The following SNTG1 variants were observed in gnomAD, a reference collection of about 807,000 sequenced individuals.
The protein encoded by SNTG1 is gamma-1-syntrophin.
Under a neutral mutation model 74.7 loss-of-function variants are expected in SNTG1, and 39 were observed. The ratio of observed to expected loss-of-function variants is 0.52; its 90% CI spans 0.40 to 0.68. The LOEUF (loss-of-function observed/expected upper bound fraction) is 0.68. Among genes scored for constraint, SNTG1 ranks in the 30% least tolerant of loss-of-function variants. The pLI, the probability that SNTG1 is intolerant of heterozygous loss-of-function variation, is 0.00. For missense variants in SNTG1, 685 were observed against 609.5 expected, an observed-to-expected ratio of 1.12 and a Z score of -1.30; for synonymous variants, 254 against 217.1, an observed-to-expected ratio of 1.17 and a Z score of -1.49.
In SNTG1 at chr8:50,484,198, TTCCTTCCTTC is replaced by T. The variant is rs1478927126; in HGVS notation, c.364-18579_364-18570del. Among the ~76,000 whole-genome samples the T allele has an allele frequency of 3.6e-3, 478 of 133,768 alleles. 7 individuals are homozygous for T. Among genetic ancestry groups the T allele is most frequent in the African/African-American group, 6.6e-3 (241 of 36,336 alleles). 87.8% of individuals were successfully genotyped at this position (133,768 alleles called of 152,430 possible). On this transcript the variant is annotated intron_variant, in intron 8 of 18. Coordinates refer to ENST00000642720, the MANE Select transcript of SNTG1 (RefSeq NM_018967.5). ...CTTCCTTCCTTCCTTCCTTCCTTCC[TTCCTTCCTTC>T]CTTCCTTCTTTCTTTCTTTTTTTTT...
chr8:50,421,036 A>G (rs1360809426), intron 4 of SNTG1, among the ~76,000 whole-genome samples: 5 of 8,932 alleles, frequency 5.6e-4, no homozygotes, highest in Admixed American at 1.8e-3. Flanking sequence ...AAAAAAAAAA[A>G]GGCGGTGGGC....
rs16915131 is a variant in SNTG1, at chr8:50,638,809, A to G, written c.850-18100A>G. Among the ~76,000 whole-genome samples the G allele has an allele frequency of 9.2e-3, 1,393 of 152,166 alleles. 16 individuals carry two copies. The highest frequency in any genetic ancestry group is 0.014 in the Non-Finnish European group (932 of 67,936). On this transcript the variant is annotated intron_variant, in intron 13 of 18. Coordinates refer to ENST00000642720, the MANE Select transcript of SNTG1 (RefSeq NM_018967.5). ...TGAGGATTTCTCCAAAAATCAAATC[A>G]TGGAGTTTAGCATAGAGTATAACAG...
At chr8:50,447,707 A>G (rs2093419607) in intron 5 of SNTG1, among the ~76,000 whole-genome samples, 1 of 152,214 alleles carries the variant, frequency 6.6e-6, no homozygotes, top group Non-Finnish European at 1.5e-5. Flanking sequence ...CACCCTGAAG[A>G]AATGTGCATT....
chr8:50,504,205 A>G (rs1348384151), intron 9 of SNTG1, among the ~76,000 whole-genome samples: 2 of 152,168 alleles, frequency 1.3e-5, no homozygotes, highest in Non-Finnish European at 2.9e-5. Flanking sequence ...ATAGTATTCC[A>G]TGGTGTATAT....
chr8:50,289,040 G>A (rs1195713525), intron 2 of SNTG1, among the ~76,000 whole-genome samples: 2 of 152,206 alleles, frequency 1.3e-5, no homozygotes, highest in East Asian at 3.9e-4. Flanking sequence ...ATTTGATTCT[G>A]TTGCAACATG....
At chr8:50,371,228 G>A (rs546400174) in intron 2 of SNTG1, among the ~76,000 whole-genome samples, 29 of 152,262 alleles carry the variant, frequency 1.9e-4, no homozygotes, top group East Asian at 3.9e-4. Context: ...ATTATGTGGC[G>A]TGAGCTGCCC....
intron 13 of SNTG1, among the ~76,000 whole-genome samples, chr8:50,628,835 T>G (rs994598036): frequency 4.6e-5 from 7 of 152,210 alleles, no homozygotes; most frequent in African/African-American, 1.7e-4. Context: ...TTGTTGTGTT[T>G]TCACAAATTC....
intron 1 of SNTG1, among the ~76,000 whole-genome samples, chr8:50,097,585 G>C (rs2079975151): frequency 6.6e-6 from 1 of 151,852 alleles, no homozygotes; most frequent in Non-Finnish European, 1.5e-5. Context: ...CCGGAAGGCG[G>C]AGCTTGCAGT....
In SNTG1 at chr8:50,005,955, C is replaced by CTTTTT. The variant is rs57041850; in HGVS notation, c.-103+93748_-103+93752dup. Among the ~76,000 whole-genome samples the CTTTTT allele has an allele frequency of 4.5e-5, 4 of 89,400 alleles. 1 individual carries two copies. Among genetic ancestry groups the CTTTTT allele is most frequent in the African/African-American group, 1.4e-4 (2 of 13,818 alleles). 58.6% of individuals were successfully genotyped at this position (89,400 alleles called of 152,430 possible). ...TTACTTTTCATTTCCATTACTTGCA[C>CTTTTT]TTTTTTTTTTTTTTTTTTTTTTTTT... On this transcript the variant is annotated intron_variant, in intron 1 of 18. Coordinates refer to ENST00000642720, the MANE Select transcript of SNTG1 (RefSeq NM_018967.5).
chr8:50,077,513 A>G (rs1821999573), intron 1 of SNTG1, among the ~76,000 whole-genome samples: 1 of 152,204 alleles, frequency 6.6e-6, no homozygotes, highest in African/African-American at 2.4e-5. Flanking sequence ...ATTATTTAAT[A>G]GAACATTCTG....
chr8:50,250,622 G>A (rs978479412), intron 2 of SNTG1, among the ~76,000 whole-genome samples: 13 of 152,060 alleles, frequency 8.5e-5, no homozygotes, highest in African/African-American at 2.9e-4. Flanking sequence ...ATATCTCTCA[G>A]CAGAATCTCT....
At chr8:50,782,403 T>C (rs1371404060) in intron 18 of SNTG1, among the ~76,000 whole-genome samples, 1 of 152,192 alleles carries the variant, frequency 6.6e-6, no homozygotes, top group Non-Finnish European at 1.5e-5. Context: ...TTTGTTAGTT[T>C]CTTTTTATTC....
chr8:49,913,625 G>A (rs1435509924), intron 1 of SNTG1, among the ~76,000 whole-genome samples: 1 of 152,190 alleles, frequency 6.6e-6, no homozygotes, highest in Admixed American at 6.5e-5. Flanking sequence ...ATGATTATCT[G>A]AGGAGGAGAA....
intron 1 of SNTG1, among the ~76,000 whole-genome samples, chr8:50,045,225 T>C (rs1195886949): frequency 6.6e-6 from 1 of 152,128 alleles, no homozygotes; most frequent in Non-Finnish European, 1.5e-5. Context: ...GGGTAATATA[T>C]ATAAAGAAAG....
At chr8:50,108,635 C>G (rs1188016314) in intron 1 of SNTG1, among the ~76,000 whole-genome samples, 2 of 152,102 alleles carry the variant, frequency 1.3e-5, no homozygotes, top group African/African-American at 4.8e-5. Context: ...GATTTAGTAT[C>G]TTCTTTCTTT....
At chr8:50,557,762 G>A (rs772117196) in intron 12 of SNTG1, among the ~76,000 whole-genome samples, 2 of 152,214 alleles carry the variant, frequency 1.3e-5, no homozygotes, top group Non-Finnish European at 2.9e-5. Context: ...TATTTTGGGA[G>A]GAGCATTTTT....
intron 4 of SNTG1, among the ~76,000 whole-genome samples, chr8:50,428,205 G>A (rs1008274853): frequency 2.6e-5 from 4 of 152,188 alleles, no homozygotes; most frequent in African/African-American, 7.2e-5. Context: ...AGATACTGGA[G>A]AGGCTGATGC....
intron 1 of SNTG1, among the ~76,000 whole-genome samples, chr8:50,018,511 T>A (rs575015703): frequency 6.6e-6 from 1 of 152,098 alleles, no homozygotes; most frequent in Non-Finnish European, 1.5e-5. Flanking sequence ...TAGACATGAA[T>A]GTAAGATCTA....
At position 50,402,245 on chromosome 8, in the gene SNTG1, C is replaced by G; in HGVS notation, c.63C>G (p.Asn21Lys). The G allele has an allele frequency of 6.2e-7, 1 of 1,611,476 alleles. No individual in the cohort carries two copies. The highest frequency in any genetic ancestry group is 1.7e-5 in the Admixed American group (1 of 59,490). Residue 21 changes from asparagine (N) to lysine (K), a missense_variant, in exon 4 of 19, where the codon AAC becomes AAG. Asn to Lys is a moderately conservative substitution (Grantham distance 94). Coordinates refer to ENST00000642720, the MANE Select transcript of SNTG1 (RefSeq NM_018967.5). The part of the protein sequence containing the change: ...KTGICLLQDG[N>K]QEPFKVRLHL... ...GAATTTGTTTGCTGCAGGATGGTAA[C>G]CAGGAGCCTTTCAAAGTGCGGCTGC...
Sources: gnomAD v4.1 joint callset for allele counts (sites outside exome capture counted in the v4.1 genomes callset) on GRCh38, gnomAD v4.1.1 for gene constraint, MANE v1.5 for transcripts, NCBI Gene and HGNC (gene_info 2026-07-23, HGNC 2026-07-21) for gene names.